NEO1: variants seen among roughly 807,000 people sequenced by gnomAD.
The protein encoded by NEO1 is neogenin 1.
In NEO1, 63 loss-of-function variants were observed where a neutral mutation model predicts 159.7. That is an observed-to-expected ratio of 0.39 (90% CI 0.32 to 0.49). The LOEUF is 0.49. Among genes scored for constraint, NEO1 ranks in the 20% least tolerant of loss-of-function variants. The probability of loss-of-function intolerance (pLI) is 0.85; values close to 1 mark genes in which losing one functional copy is unlikely to be tolerated. For synonymous variants in NEO1, 633 were observed against 662.0 expected (o/e 0.96, Z 0.67); for missense variants, 1,615 against 1,831.0 (o/e 0.88, Z 2.15).
chr15:73,189,071 C>T (rs1441360357), intron 7 of NEO1, among the ~76,000 whole-genome samples: 1 of 152,162 alleles, frequency 6.6e-6, no homozygotes. Flanking sequence ...TGCACTCTAG[C>T]CTGGGCAACA....
chr15:73,103,512 G>T (rs924055886), intron 1 of NEO1, among the ~76,000 whole-genome samples: 2 of 152,108 alleles, frequency 1.3e-5, no homozygotes, highest in African/African-American at 4.8e-5. Context: ...GACTGTCTAG[G>T]CCGGTTAGAT....
At chr15:73,180,586 A>G (rs182440578) in intron 7 of NEO1, among the ~76,000 whole-genome samples, 6 of 152,346 alleles carry the variant, frequency 3.9e-5, no homozygotes, top group Admixed American at 2.0e-4. Context: ...GAACTAAGCA[A>G]AGGCACTTCA....
intron 3 of NEO1, 145 bp downstream of exon 3, chr15:73,122,945 G>A (rs894896759): frequency 3.0e-6 from 3 of 983,620 alleles, no homozygotes; most frequent in Non-Finnish European, 4.5e-6. Context: ...TGAAGCGGGT[G>A]GATCACCTGA....
chr15:73,069,123 GTATTTTTT>G (rs1465442850), intron 1 of NEO1, among the ~76,000 whole-genome samples: 274 of 113,700 alleles, frequency 2.4e-3, no homozygotes, highest in African/African-American at 6.9e-3. Flanking sequence ...GCTAATTTTT[GTATTTTTT>G]TTTTTTTTTT....
At chr15:73,192,618 G>A (rs950781872) in intron 7 of NEO1, among the ~76,000 whole-genome samples, 13 of 151,838 alleles carry the variant, frequency 8.6e-5, no homozygotes, top group Admixed American at 7.9e-4. Flanking sequence ...CAACCAATAA[G>A]GGACTAGTTA....
chr15:73,131,884 A>G (rs1315014801), intron 4 of NEO1, among the ~76,000 whole-genome samples: 2 of 152,184 alleles, frequency 1.3e-5, no homozygotes, highest in African/African-American at 4.8e-5. Flanking sequence ...AACCACTGTG[A>G]TCCTTTCTGC....
intron 5 of NEO1, chr15:73,162,024 CT>C: frequency 4.2e-6 from 1 of 236,978 alleles, no homozygotes. Flanking sequence ...GGTTTTGAAT[CT>C]TTTCCATTTT....
intron 3 of NEO1, among the ~76,000 whole-genome samples, chr15:73,125,745 A>G (rs2151679262): frequency 6.6e-6 from 1 of 152,374 alleles, no homozygotes; most frequent in South Asian, 2.1e-4. Context: ...TAATGTCTGA[A>G]TAAGAAATAC....
intron 7 of NEO1, among the ~76,000 whole-genome samples, chr15:73,218,430 G>A (rs1051193747): frequency 6.6e-6 from 1 of 151,972 alleles, no homozygotes; most frequent in Non-Finnish European, 1.5e-5. Flanking sequence ...TCAGGATGAT[G>A]CTGGCCTCAT....
At chr15:73,075,206 G>A (rs993454464) in intron 1 of NEO1, among the ~76,000 whole-genome samples, 1 of 152,138 alleles carries the variant, frequency 6.6e-6, no homozygotes, top group African/African-American at 2.4e-5. Flanking sequence ...AAGTTAAATA[G>A]AACGTCCAGC....
chr15:73,197,681 C>CT (rs34893810), intron 7 of NEO1, among the ~76,000 whole-genome samples: 47,898 of 132,296 alleles, frequency 0.36, 10,009 homozygotes, highest in East Asian at 0.56. Flanking sequence ...TTATACCTAC[C>CT]TTTTTTTTTT....
At chr15:73,301,877 C>T (rs1332199999) in intron 28 of NEO1, among the ~76,000 whole-genome samples, 1 of 152,174 alleles carries the variant, frequency 6.6e-6, no homozygotes, top group Non-Finnish European at 1.5e-5. Context: ...CTATGTTGGC[C>T]AGGCTGGTCT....
chr15:73,242,782 A>G lies in NEO1; in HGVS notation c.1452-1562A>G, dbSNP rs183040025. 5.2e-3 allele frequency among the ~76,000 whole-genome samples: 786 copies of G among 152,350 alleles called. 7 individuals carry two copies. The highest frequency in any genetic ancestry group is 5.3e-3 in the Non-Finnish European group (361 of 68,040). On this transcript the variant is annotated intron_variant, in intron 8 of 28. Coordinates refer to ENST00000261908, the MANE Select transcript of NEO1 (RefSeq NM_002499.4). ...TTGAGTAGACTGAAAAGGAGGAAGA[A>G]GAAGAAAAGGGGTTGGTCTTATTGT...
chr15:73,056,049 G>C (rs2067679553), intron 1 of NEO1, among the ~76,000 whole-genome samples: 1 of 152,146 alleles, frequency 6.6e-6, no homozygotes, highest in Non-Finnish European at 1.5e-5. Context: ...ATTTTCCTGA[G>C]CATGCCACTC....
In NEO1 at chr15:73,052,705, C is replaced by T. The variant is rs1012766935; in HGVS notation, c.30C>T (p.Leu10=). The T allele has an allele frequency of 6.6e-6, 9 of 1,362,310 alleles. No individual in the cohort carries two copies. The African/African-American group carries it at 1.4e-4, about 21-fold the overall frequency. 84.4% of individuals were successfully genotyped at this position (1,362,310 alleles called of 1,614,324 possible). A position where few individuals can be genotyped will look rare whatever the true frequency, so the allele number is the denominator to read the frequency against. The change falls in exon 1 of 29, where the codon CTC becomes CTT. Residue 10 remains leucine (L), a synonymous_variant. Transcript: ENST00000261908. ...CGGCGGAGCGGGGAGCCCGGCGACT[C>T]CTCAGCACCCCCTCCTTCTGGCTCT... is the stretch of plus-strand genomic sequence containing the variant. MAAERGARR[L]LSTPSFWLYC...
intron 4 of NEO1, among the ~76,000 whole-genome samples, chr15:73,129,537 A>G (rs938703729): frequency 1.3e-5 from 2 of 152,218 alleles, no homozygotes; most frequent in Non-Finnish European, 2.9e-5. Context: ...CCTTTGATCA[A>G]ATTTGTTCAG....
chr15:73,270,046 C>T lies in NEO1; in HGVS notation c.2531C>T (p.Pro844Leu). The change falls in exon 17 of 29, where the codon CCA (proline) becomes CTA (leucine). Residue 844 changes from proline (P) to leucine (L), a missense_variant. Coordinates refer to ENST00000261908, the MANE Select transcript of NEO1 (RefSeq NM_002499.4). ...SEVDLFVINA[P>L]YTPVPDPTPM... is the part of the protein sequence containing the mutation. ...GTTGATTTATTTGTTATTAATGCTC[C>T]ATACACTCCAGTGCCAGATCCCACT... 1 of 1,614,068 alleles carries T rather than the reference C, an allele frequency of 6.2e-7. No homozygotes were observed. Among genetic ancestry groups the T allele is most frequent in the Non-Finnish European group, 8.5e-7 (1 of 1,179,996 alleles).
chr15:73,199,867 G>C (rs1053336870), intron 7 of NEO1, among the ~76,000 whole-genome samples: 1 of 152,064 alleles, frequency 6.6e-6, no homozygotes, highest in South Asian at 2.1e-4. Flanking sequence ...TGTGTCTTCC[G>C]TGGCAAAAGG....
chr15:73,052,626 A>G lies in NEO1; in HGVS notation c.-50A>G. 1 of 1,159,056 alleles carries G rather than the reference A, an allele frequency of 8.6e-7. No homozygotes were observed. 71.8% of individuals were successfully genotyped at this position (1,159,056 alleles called of 1,614,324 possible). On this transcript the variant is annotated 5_prime_UTR_variant, in exon 1 of 29. Coordinates refer to ENST00000261908, the MANE Select transcript of NEO1 (RefSeq NM_002499.4). ...GAGGCGCGCGGGAGGGAAGGAGGCA[A>G]GGGCTCCGCGGCGCTGTCGCCGCCG...
Sources: allele counts gnomAD v4.1 joint callset (sites outside exome capture counted in the v4.1 genomes callset), GRCh38; gene constraint gnomAD v4.1.1; transcripts MANE v1.5; gene names NCBI Gene and HGNC (gene_info 2026-07-23, HGNC 2026-07-21).